Variants in TDRD5 observed in about 807,000 individuals in gnomAD.
TDRD5 encodes tudor domain-containing protein 5.
Under a neutral mutation model 120.6 loss-of-function variants are expected in TDRD5, and 41 were observed. The ratio of observed to expected loss-of-function variants is 0.34; its 90% CI spans 0.26 to 0.44. The LOEUF is 0.44. Ranked by LOEUF, TDRD5 falls within the 20% of genes least tolerant of loss-of-function variation. TDRD5 has a pLI of 1.00. For synonymous variants in TDRD5, 430 were observed against 433.7 expected (o/e 0.99, Z 0.11); for missense variants, 1,006 against 1,221.2 (o/e 0.82, Z 2.63).
At chr1:179,618,365 A>G (rs1329565563) in intron 4 of TDRD5, among the ~76,000 whole-genome samples, 1 of 152,196 alleles carries the variant, frequency 6.6e-6, no homozygotes, top group East Asian at 1.9e-4. Flanking sequence ...TTGTTAGAGA[A>G]TGTTTGTTAG....
intron 3 of TDRD5, among the ~76,000 whole-genome samples, 156 bp downstream of exon 3, chr1:179,594,023 C>A (rs914299247): frequency 6.6e-6 from 1 of 152,120 alleles, no homozygotes; most frequent in South Asian, 2.1e-4. Flanking sequence ...CTTAGTTTTC[C>A]TCATCTTTAA....
chr1:179,603,824 C>CGATAT (rs1675837129), intron 4 of TDRD5, among the ~76,000 whole-genome samples: 2 of 151,884 alleles, frequency 1.3e-5, no homozygotes, highest in South Asian at 4.2e-4. Context: ...TCAGGGATAT[C>CGATAT]GATCTGTAGT....
chr1:179,678,796 T>C (rs1028031848), intron 17 of TDRD5, among the ~76,000 whole-genome samples: 4 of 152,222 alleles, frequency 2.6e-5, no homozygotes, highest in Non-Finnish European at 5.9e-5. Flanking sequence ...TTTGGGATTT[T>C]CTGTATAGAC....
In TDRD5 at chr1:179,611,704, A is replaced by G. The variant is rs114505937; in HGVS notation, c.832-6895A>G. Among the ~76,000 whole-genome samples, 340 of 152,296 alleles carry G rather than the reference A, an allele frequency of 2.2e-3. 6 individuals are homozygous for G. The highest frequency in any genetic ancestry group is 7.7e-3 in the African/African-American group (321 of 41,556). On this transcript the variant is annotated intron_variant, in intron 4 of 17. Transcript: ENST00000444136. ...GAGAGCCAGGCAATAACGAATGCAG[A>G]GTTGAGGACATTTGCTCATGGCATG... is the stretch of plus-strand genomic sequence containing the variant.
At chr1:179,640,199 A>G (rs1464872295) in intron 10 of TDRD5, 148 bp downstream of exon 10, 12 of 1,068,346 alleles carry the variant, frequency 1.1e-5, no homozygotes, top group East Asian at 2.5e-5. Context: ...CAACTGGGTC[A>G]TTTCATTTCA....
At chr1:179,635,541 A>G (rs1052528281) in intron 8 of TDRD5, 126 bp from the exon 9 acceptor site, 1 of 921,912 alleles carries the variant, frequency 1.1e-6, no homozygotes, top group Non-Finnish European at 1.6e-6. Context: ...GAGTTCAAGA[A>G]TCTGTATTTT....
intron 6 of TDRD5, among the ~76,000 whole-genome samples, chr1:179,627,813 A>C (rs1365306660): frequency 6.6e-6 from 1 of 152,222 alleles, no homozygotes; most frequent in Non-Finnish European, 1.5e-5. Flanking sequence ...ATGGTAAATA[A>C]AGAGAGCCAA....
At chr1:179,627,294 T>C (rs1421475090) in intron 6 of TDRD5, among the ~76,000 whole-genome samples, 3 of 152,072 alleles carry the variant, frequency 2.0e-5, no homozygotes, top group Non-Finnish European at 2.9e-5. Flanking sequence ...TAGAGAGACA[T>C]TGATAAAAGG....
At position 179,592,793 on chromosome 1, in the gene TDRD5, A is replaced by G; in HGVS notation, c.178A>G (p.Met60Val). 6.2e-7 allele frequency: 1 copy of G among 1,614,194 alleles called. No homozygotes were observed. The highest frequency in any genetic ancestry group is 1.1e-5 in the South Asian group (1 of 91,090). The part of the protein sequence containing the change: ...YRSTMELVLD[M>V]PDVVRVCPGA... ...GTCCACTATGGAGCTGGTATTGGAC[A>G]TGCCTGATGTTGTTCGTGTCTGCCC... Residue 60 changes from methionine to valine, a missense_variant, in exon 2 of 18, where the codon ATG (methionine) becomes GTG (valine). This residue lies in a region of TDRD5 where 445 missense variants were observed against 515.5 expected (regional missense o/e 0.86). Transcript: ENST00000444136.
At chr1:179,608,005 T>G (rs1469847002) in intron 4 of TDRD5, among the ~76,000 whole-genome samples, 2 of 151,606 alleles carry the variant, frequency 1.3e-5, no homozygotes, top group Non-Finnish European at 2.9e-5. Flanking sequence ...TTTATTCATC[T>G]GAAAAAGTCT....
intron 14 of TDRD5, among the ~76,000 whole-genome samples, chr1:179,656,881 G>T (rs1180479009): frequency 6.6e-6 from 1 of 152,090 alleles, no homozygotes; most frequent in Non-Finnish European, 1.5e-5. Flanking sequence ...GCAAAACCCT[G>T]TCTCTACTAA....
chr1:179,594,490 T>C lies in TDRD5; in HGVS notation c.640+623T>C, dbSNP rs77884433. Among the ~76,000 whole-genome samples, 1,016 of 152,338 alleles carry C rather than the reference T, an allele frequency of 6.7e-3. 8 individuals are homozygous for C. The highest frequency in any genetic ancestry group is 0.022 in the African/African-American group (905 of 41,578). ...GCTGGAAAAGTGGTACAGCTAGAGT[T>C]AGATACCCAGCTCTTATTGCTGCCC... On this transcript the variant is annotated intron_variant, in intron 3 of 17. Coordinates refer to ENST00000444136, the MANE Select transcript of TDRD5 (RefSeq NM_001199085.3).
intron 14 of TDRD5, among the ~76,000 whole-genome samples, chr1:179,654,796 AT>A (rs1265777777): frequency 1.3e-5 from 2 of 152,152 alleles, no homozygotes; most frequent in African/African-American, 4.8e-5. Flanking sequence ...AAGTAAAAAA[AT>A]GTGTTCATAG....
At chr1:179,619,509 C>T (rs1319739635) in intron 5 of TDRD5, among the ~76,000 whole-genome samples, 1 of 152,114 alleles carries the variant, frequency 6.6e-6, no homozygotes, top group Non-Finnish European at 1.5e-5. Context: ...TCCATTTCAA[C>T]TGTCATGATT....
intron 16 of TDRD5, among the ~76,000 whole-genome samples, chr1:179,665,821 A>G (rs1274673044): frequency 6.6e-6 from 1 of 152,002 alleles, no homozygotes; most frequent in African/African-American, 2.4e-5. Flanking sequence ...TTCTATTCCT[A>G]TTCTAAAGCA....
chr1:179,620,476 A>T (rs926885848), intron 5 of TDRD5, among the ~76,000 whole-genome samples: 3 of 152,116 alleles, frequency 2.0e-5, no homozygotes, highest in Non-Finnish European at 4.4e-5. Flanking sequence ...ATTTTGAAAA[A>T]TCTGTAGCCA....
At position 179,592,637 on chromosome 1, in the gene TDRD5, C is replaced by T. The variant is rs1337018328; in HGVS notation, c.22C>T (p.Gln8Ter). The T allele has an allele frequency of 6.2e-7, 1 of 1,613,968 alleles. No homozygotes were observed. The highest frequency in any genetic ancestry group is 1.1e-5 in the South Asian group (1 of 91,076). The change falls in exon 2 of 18, where the codon CAG (glutamine) becomes TAG (stop). Residue 8 changes from glutamine to a stop codon, truncating the protein, a stop_gained. Coordinates refer to ENST00000444136, the MANE Select transcript of TDRD5 (RefSeq NM_001199085.3). LOFTEE classifies it high-confidence loss of function. MSEQERI[Q>*]ECLRKEIRSL... The stretch of plus-strand genomic sequence containing the variant: ...CACAATGTCTGAACAAGAGCGTATA[C>T]AGGAATGTCTGCGGAAGGAAATAAG...
intron 6 of TDRD5, 103 bp downstream of exon 6, chr1:179,621,194 T>A: frequency 1.1e-6 from 1 of 932,250 alleles, no homozygotes; most frequent in Non-Finnish European, 1.6e-6. Flanking sequence ...GTCTATGCTC[T>A]AAAACGGAAA....
intron 12 of TDRD5, 88 bp from the exon 13 acceptor site, chr1:179,651,951 A>G (rs1678740460): frequency 1.9e-5 from 26 of 1,380,852 alleles, no homozygotes; most frequent in Non-Finnish European, 2.5e-5. Context: ...ATATACTTCC[A>G]TAGCATTTGA....
Sources: gnomAD v4.1 joint callset for allele counts (sites outside exome capture counted in the v4.1 genomes callset) on GRCh38, gnomAD v4.1.1 for gene constraint, gnomAD v4.1.1 regional missense constraint, MANE v1.5 for transcripts, NCBI Gene and HGNC (gene_info 2026-07-23, HGNC 2026-07-21) for gene names.